Variants in SPTBN1 observed in about 807,000 individuals in gnomAD.
SPTBN1 encodes spectrin beta chain, non-erythrocytic 1.
SPTBN1 carries 32 observed loss-of-function variants against 266.4 expected under a neutral mutation model. The observed-to-expected ratio is 0.12, with a 90% CI of 0.09 to 0.16. SPTBN1 has a LOEUF of 0.16. SPTBN1 is among the 10% of genes least tolerant of loss of function. The probability of loss-of-function intolerance (pLI) is 1.00; values close to 1 mark genes in which losing one functional copy is unlikely to be tolerated. For missense variants in SPTBN1, 2,296 were observed against 3,067.1 expected (o/e 0.75, Z 5.94); for synonymous variants, 1,336 against 1,162.2 (o/e 1.15, Z -3.04).
At chr2:54,509,963 T>A (rs1263251525) in intron 1 of SPTBN1, among the ~76,000 whole-genome samples, 2 of 150,454 alleles carry the variant, frequency 1.3e-5, no homozygotes, top group South Asian at 4.3e-4. Flanking sequence ...TTTCTTTTTT[T>A]TTTTTTTTTT....
At chr2:54,474,215 G>T (rs1457918659) in intron 1 of SPTBN1, among the ~76,000 whole-genome samples, 2 of 152,190 alleles carry the variant, frequency 1.3e-5, no homozygotes, top group African/African-American at 4.8e-5. Flanking sequence ...GTCTGAATAG[G>T]CTTAGATAAA....
chr2:54,494,826 G>T (rs1668877589), intron 1 of SPTBN1, among the ~76,000 whole-genome samples: 1 of 151,868 alleles, frequency 6.6e-6, no homozygotes, highest in Non-Finnish European at 1.5e-5. Flanking sequence ...GGCAATGATG[G>T]TTTCACAGGT....
Position 54,655,311 on chromosome 2 carries a change from TACAC to T in SPTBN1, c.5961+111_5961+114del, listed in dbSNP as rs34493199. ...CAGAGATACTGTGTTTACATTCTTA[TACAC>T]ACACACATATGTTTTAAAACTCCTT... On this transcript the variant is annotated intron_variant, in intron 28 of 35. Transcript: ENST00000356805. 5,846 of 1,407,808 alleles carry T rather than the reference TACAC, an allele frequency of 4.2e-3. 208 individuals carry two copies. The African/African-American group carries it at 0.075, about 18-fold the overall frequency. The allele number at this position is 1,407,808 out of a possible 1,614,324, so 87.2% of individuals were successfully genotyped here.
intron 1 of SPTBN1, among the ~76,000 whole-genome samples, chr2:54,495,045 A>G (rs1437945671): frequency 1.3e-5 from 2 of 152,146 alleles, no homozygotes; most frequent in East Asian, 3.9e-4. Flanking sequence ...GGTGTAGTGC[A>G]GTGTGTGGAA....
Position 54,629,001 on chromosome 2 carries a change from C to G in SPTBN1, c.1867C>G (p.Leu623Val), listed in dbSNP as rs367983765. The G allele has an allele frequency of 2.5e-6, 4 of 1,613,700 alleles. No homozygotes were observed. The African/African-American group carries it at 5.3e-5, about 22-fold the overall frequency. ...CCACATGGAGTTCTGTTATCAAGAG[C>G]TTTGCCAGCTGGCGGCTGAGCGCAG... ...VAHMEFCYQE[L>V]CQLAAERRAR... Residue 623 changes from leucine (L) to valine (V), a missense_variant, in exon 14 of 36, where the codon CTT (leucine) becomes GTT (valine). This residue lies in a region of SPTBN1 where 434 missense variants were observed against 573.9 expected (regional missense o/e 0.76). Transcript: ENST00000356805.
chr2:54,612,205 T>C lies in SPTBN1; in HGVS notation c.345T>C (p.Asn115=). 1 of 1,613,238 alleles carries C rather than the reference T, an allele frequency of 6.2e-7. No individual in the cohort carries two copies. Among genetic ancestry groups the C allele is most frequent in the South Asian group, 1.1e-5 (1 of 91,012 alleles). The part of the protein sequence containing the change: ...KGRMRIHCLE[N]VDKALQFLKE... Reference sequence around the variant, plus strand: ...GAATGCGCATCCACTGCTTAGAGAATGTGGACAAGGCCCTTCAGTTCCTGA... The same window carrying C: ...GAATGCGCATCCACTGCTTAGAGAACGTGGACAAGGCCCTTCAGTTCCTGA... Residue 115 remains asparagine, a synonymous_variant, in exon 4 of 36, where the codon AAT becomes AAC. Transcript: ENST00000356805.
At position 54,631,098 on chromosome 2, in the gene SPTBN1, G is replaced by A; in HGVS notation, c.3051G>A (p.Lys1017=). ...AIEAKLSDLQ[K]EAEKLESEHP... ...AGGCAAAGCTGAGTGACCTGCAGAA[G>A]GAGGCGGAGAAGCTGGAGTCCGAGC... The change falls in exon 16 of 36, where the codon AAG becomes AAA. Residue 1017 remains lysine (K), a synonymous_variant. Transcript: ENST00000356805. 1 of 1,614,210 alleles carries A rather than the reference G, an allele frequency of 6.2e-7. No homozygotes were observed. The highest frequency in any genetic ancestry group is 8.5e-7 in the Non-Finnish European group (1 of 1,180,036).
Position 54,664,593 on chromosome 2 carries a change from C to A in SPTBN1, c.6561C>A (p.Thr2187=). 1 of 1,614,210 alleles carries A rather than the reference C, an allele frequency of 6.2e-7. No homozygotes were observed. Among genetic ancestry groups the A allele is most frequent in the East Asian group, 2.2e-5 (1 of 44,884 alleles). ...CCCTCCCAGCCCAGAGTGCCGCCACCTTACCAGCCAGAACCCAGGAGACAC... is the reference window on the plus strand; with the variant it reads ...CCCTCCCAGCCCAGAGTGCCGCCACATTACCAGCCAGAACCCAGGAGACAC... ...KTALPAQSAA[T]LPARTQETPS... The change falls in exon 33 of 36, where the codon ACC becomes ACA. Residue 2187 remains threonine (T), a synonymous_variant. Coordinates refer to ENST00000356805, the MANE Select transcript of SPTBN1 (RefSeq NM_003128.3). This position sits in a 1 kb window ranked among gnomAD's most constrained non-coding sequence, Gnocchi z 5.6.
At chr2:54,650,880 C>T (rs1233477453) in intron 26 of SPTBN1, among the ~76,000 whole-genome samples, 1 of 152,152 alleles carries the variant, frequency 6.6e-6, no homozygotes, top group Non-Finnish European at 1.5e-5. Context: ...CAGTCTAGTG[C>T]CTCAGCCTCT....
intron 2 of SPTBN1, among the ~76,000 whole-genome samples, chr2:54,575,156 T>G (rs1275458744): frequency 1.3e-5 from 2 of 152,064 alleles, no homozygotes; most frequent in Non-Finnish European, 1.5e-5. Context: ...GATTTTGAGG[T>G]TTTTTTTGTT....
At chr2:54,610,218 T>G (rs1677120376) in intron 3 of SPTBN1, among the ~76,000 whole-genome samples, 1 of 152,216 alleles carries the variant, frequency 6.6e-6, no homozygotes, top group South Asian at 2.1e-4. Context: ...TGTGAACCTT[T>G]CCTGGTTCTG....
At chr2:54,620,337 G>T (rs896832563) in intron 7 of SPTBN1, among the ~76,000 whole-genome samples, 1 of 152,242 alleles carries the variant, frequency 6.6e-6, no homozygotes, top group Admixed American at 6.5e-5. Flanking sequence ...ATCATAAATG[G>T]TTGTATTGGG....
At chr2:54,570,764 TTAAG>T (rs1277168569) in intron 2 of SPTBN1, among the ~76,000 whole-genome samples, 1 of 152,232 alleles carries the variant, frequency 6.6e-6, no homozygotes, top group African/African-American at 2.4e-5. Flanking sequence ...ATTATGTTTC[TTAAG>T]TAAGATAAAT....
At chr2:54,518,233 T>G (rs1176392955) in intron 1 of SPTBN1, among the ~76,000 whole-genome samples, 2 of 151,666 alleles carry the variant, frequency 1.3e-5, no homozygotes, top group Admixed American at 1.3e-4. Context: ...ATGTTCTCAC[T>G]CATAGGTGGG....
At chr2:54,492,614 T>TTTAGCAGG (rs1373111555) in intron 1 of SPTBN1, among the ~76,000 whole-genome samples, 1 of 152,184 alleles carries the variant, frequency 6.6e-6, no homozygotes, top group Non-Finnish European at 1.5e-5. Flanking sequence ...TATATGGGGT[T>TTTAGCAGG]TGGTTTTTAC....
At chr2:54,496,151 A>C (rs906693153) in intron 1 of SPTBN1, among the ~76,000 whole-genome samples, 6 of 152,226 alleles carry the variant, frequency 3.9e-5, no homozygotes, top group Middle Eastern at 3.4e-3. Context: ...AAAAAGTATA[A>C]ATAGGCCAGG....
chr2:54,463,960 G>A (rs939077319), intron 1 of SPTBN1, among the ~76,000 whole-genome samples: 5 of 152,144 alleles, frequency 3.3e-5, no homozygotes, highest in Non-Finnish European at 4.4e-5. Flanking sequence ...CAAGGAGGTC[G>A]ATAACTGTAA....
intron 5 of SPTBN1, among the ~76,000 whole-genome samples, chr2:54,617,231 C>T (rs1020883644): frequency 6.6e-6 from 1 of 152,170 alleles, no homozygotes; most frequent in South Asian, 2.1e-4. Flanking sequence ...CCCAAAGTAA[C>T]GTGTGACAAG....
intron 1 of SPTBN1, among the ~76,000 whole-genome samples, chr2:54,483,514 C>T (rs1668200637): frequency 1.3e-5 from 2 of 152,220 alleles, no homozygotes; most frequent in African/African-American, 2.4e-5. Flanking sequence ...GAGAGGCTGT[C>T]TGGAAGCCCG....
Sources: allele counts gnomAD v4.1 joint callset (sites outside exome capture counted in the v4.1 genomes callset), GRCh38; gene constraint gnomAD v4.1.1; regional missense constraint gnomAD v4.1.1; non-coding constraint Gnocchi (gnomAD v3.1); transcripts MANE v1.5; gene names NCBI Gene and HGNC (gene_info 2026-07-23, HGNC 2026-07-21).